CCDC178: variants seen among roughly 807,000 people sequenced by gnomAD.
The protein encoded by CCDC178 is coiled-coil domain-containing protein 178.
Under a neutral mutation model 117.4 loss-of-function variants are expected in CCDC178, and 126 were observed. That is an observed-to-expected ratio of 1.07 (90% CI 0.93 to 1.24). The LOEUF is 1.24. Ranked by LOEUF, CCDC178 falls within the 50% of genes most tolerant of loss-of-function variation. CCDC178 has a pLI of 0.00. For missense variants in CCDC178, 1,030 were observed against 986.9 expected (o/e 1.04, Z -0.59); for synonymous variants, 283 against 313.4 (o/e 0.90, Z 1.02).
At chr18:32,995,525 A>G (rs1244848999) in intron 21 of CCDC178, among the ~76,000 whole-genome samples, 1 of 152,174 alleles carries the variant, frequency 6.6e-6, no homozygotes, top group Non-Finnish European at 1.5e-5. Context: ...CCAGATGTAT[A>G]CAAAATAAAC....
chr18:33,092,756 A>G lies in CCDC178; in HGVS notation c.2388+5T>C, dbSNP rs1353655015. 4 of 1,523,580 alleles carry G rather than the reference A, an allele frequency of 2.6e-6. No individual in the cohort carries two copies. In the Admixed American group the frequency reaches 7.8e-5, roughly 30 times the overall value. 94.4% of individuals were successfully genotyped at this position (1,523,580 alleles called of 1,614,324 possible). A position where few individuals can be genotyped will look rare whatever the true frequency, so the allele number is the denominator to read the frequency against. On this transcript the variant is annotated splice_donor_5th_base_variant and intron_variant, in intron 21 of 22. Transcript: ENST00000383096. ...TCACCTTAAAACAATTAGAAAAACC[A>G]ATACCTGTTTCTTATCTCTAATTGA...
In CCDC178 at chr18:33,348,990, A is replaced by G. The variant is rs908759086; in HGVS notation, c.372-15T>C. On this transcript the variant is annotated splice_polypyrimidine_tract_variant and intron_variant, in intron 7 of 22. Coordinates refer to ENST00000383096, the MANE Select transcript of CCDC178 (RefSeq NM_001105528.4). ...AAGTTCTGCTCCTATATAATGGGAAAGAAGCAAGCAGTAAAGAAGTACTTA... is the reference window on the plus strand; with the variant it reads ...AAGTTCTGCTCCTATATAATGGGAAGGAAGCAAGCAGTAAAGAAGTACTTA... 6.5e-7 allele frequency: 1 copy of G among 1,537,368 alleles called. No individual in the cohort carries two copies. Among genetic ancestry groups the G allele is most frequent in the East Asian group, 2.3e-5 (1 of 44,058 alleles).
Position 33,323,454 on chromosome 18 carries a change from C to T in CCDC178, c.1022+37G>A, listed in dbSNP as rs556517704. 2.3e-4 allele frequency: 302 copies of T among 1,315,834 alleles called. 3 individuals carry two copies. The South Asian group carries it at 5.8e-3, about 25-fold the overall frequency. 81.5% of individuals were successfully genotyped at this position (1,315,834 alleles called of 1,614,324 possible). ...TACATTTTTACTTAACATTTAATTT[C>T]TAAATGCTATAATTAGTGTTTGCGA... On this transcript the variant is annotated intron_variant, in intron 11 of 22. Transcript: ENST00000383096.
At chr18:32,975,862 GT>G (rs2144698756) in intron 21 of CCDC178, among the ~76,000 whole-genome samples, 1 of 152,136 alleles carries the variant, frequency 6.6e-6, no homozygotes, top group South Asian at 2.1e-4. Flanking sequence ...AGGATCCTCT[GT>G]AAAACATCAA....
At chr18:33,283,833 G>A (rs79754887) in intron 12 of CCDC178, among the ~76,000 whole-genome samples, 1 of 152,160 alleles carries the variant, frequency 6.6e-6, no homozygotes, top group Admixed American at 6.5e-5. Flanking sequence ...TCATCGTTGT[G>A]GATTACAGTG....
At chr18:33,087,564 ATTTGTG>A (rs1362805794) in intron 21 of CCDC178, among the ~76,000 whole-genome samples, 3 of 125,716 alleles carry the variant, frequency 2.4e-5, no homozygotes, top group African/African-American at 1.1e-4. Flanking sequence ...GGCCAAAGCC[ATTTGTG>A]TGTGTGTGTG....
chr18:33,369,976 G>C (rs1412608321), intron 6 of CCDC178, 74 bp downstream of exon 6: 1 of 1,247,016 alleles, frequency 8.0e-7, no homozygotes, highest in Admixed American at 2.9e-5. Context: ...AGTTTCCTGG[G>C]TTCTTTAAAT....
intron 12 of CCDC178, among the ~76,000 whole-genome samples, chr18:33,281,096 G>A (rs951037892): frequency 3.4e-5 from 1 of 29,632 alleles, no homozygotes; most frequent in Non-Finnish European, 7.5e-5. Context: ...AAAACTTAAA[G>A]TATAATAATA....
At position 33,370,313 on chromosome 18, in the gene CCDC178, C is replaced by G. The variant is rs1385530720; in HGVS notation, c.209-124G>C. 26 of 450,388 alleles carry G rather than the reference C, an allele frequency of 5.8e-5. No homozygotes were observed. The Admixed American group carries it at 6.1e-4, about 11-fold the overall frequency. The allele number at this position is 450,388 out of a possible 1,614,324, so 27.9% of individuals were successfully genotyped here. On this transcript the variant is annotated intron_variant, in intron 5 of 22. Transcript: ENST00000383096. ...ACTCTTAGTTTCCTTAATAGAGAGG[C>G]TGAGAAATCTGTCAGAAAATTATAG...
rs140369198 is a variant in CCDC178 at position 33,394,298 on chromosome 18, T to C, written c.118+2851A>G. ...CTTCAACATATTTATTATACTATGA[T>C]ACTTAATCTTTACAATAACACATAT... On this transcript the variant is annotated intron_variant, in intron 4 of 22. Coordinates refer to ENST00000383096, the MANE Select transcript of CCDC178 (RefSeq NM_001105528.4). Among the ~76,000 whole-genome samples the C allele has an allele frequency of 8.2e-4, 125 of 152,110 alleles. 1 individual carries two copies. Among genetic ancestry groups the C allele is most frequent in the African/African-American group, 2.9e-3 (120 of 41,566 alleles).
At chr18:33,233,815 G>A (rs540811265) in intron 15 of CCDC178, among the ~76,000 whole-genome samples, 1 of 152,124 alleles carries the variant, frequency 6.6e-6, no homozygotes, top group South Asian at 2.1e-4. Flanking sequence ...TATTCTTAGA[G>A]CCAATAATTA....
intron 14 of CCDC178, among the ~76,000 whole-genome samples, chr18:33,251,586 A>C: frequency 6.6e-6 from 1 of 151,716 alleles, no homozygotes. Flanking sequence ...GTGTCTCCCT[A>C]GCAGTGTTTT....
chr18:33,223,900 C>T (rs1278029038), intron 17 of CCDC178, among the ~76,000 whole-genome samples: 2 of 152,096 alleles, frequency 1.3e-5, no homozygotes, highest in Non-Finnish European at 2.9e-5. Flanking sequence ...CAGTGGTACT[C>T]GGAATTTGTT....
intron 15 of CCDC178, among the ~76,000 whole-genome samples, chr18:33,237,861 C>G (rs2059444083): frequency 1.3e-5 from 2 of 152,198 alleles, no homozygotes; most frequent in African/African-American, 4.8e-5. Context: ...CCCATACTTC[C>G]AGACAGAGTA....
intron 3 of CCDC178, among the ~76,000 whole-genome samples, chr18:33,406,405 G>A (rs1049957366): frequency 4.0e-5 from 6 of 151,812 alleles, no homozygotes; most frequent in Non-Finnish European, 5.9e-5. Flanking sequence ...AGAATATAGT[G>A]GGGCAAGTTT....
At chr18:33,263,669 CAG>C (rs2059778578) in intron 14 of CCDC178, among the ~76,000 whole-genome samples, 1 of 152,084 alleles carries the variant, frequency 6.6e-6, no homozygotes, top group Non-Finnish European at 1.5e-5. Context: ...AAACGTGTTA[CAG>C]ACAGAGTGCT....
At chr18:32,958,129 G>A in intron 22 of CCDC178, 1 of 481,236 alleles carries the variant, frequency 2.1e-6, no homozygotes, top group Non-Finnish European at 3.8e-6. Flanking sequence ...GAATTCTGAT[G>A]AGAAATAAAA....
At chr18:32,949,605 T>C (rs1175853528) in intron 22 of CCDC178, among the ~76,000 whole-genome samples, 2 of 152,146 alleles carry the variant, frequency 1.3e-5, no homozygotes, top group Non-Finnish European at 2.9e-5. Flanking sequence ...ATATCTTCAA[T>C]GTCTCTACTT....
chr18:32,971,709 C>T (rs1278977476), intron 22 of CCDC178, among the ~76,000 whole-genome samples: 2 of 152,050 alleles, frequency 1.3e-5, no homozygotes, highest in Non-Finnish European at 2.9e-5. Flanking sequence ...TTTTAATAAT[C>T]GTCATTCTGA....
Sources: allele counts gnomAD v4.1 joint callset (sites outside exome capture counted in the v4.1 genomes callset), GRCh38; gene constraint gnomAD v4.1.1; transcripts MANE v1.5; gene names NCBI Gene and HGNC (gene_info 2026-07-23, HGNC 2026-07-21).